Variants in CLDN16 observed in about 807,000 individuals in gnomAD.
CLDN16 encodes the protein claudin-16.
A neutral mutation model predicts 24.6 loss-of-function variants in CLDN16; 13 were observed. The ratio of observed to expected loss-of-function variants is 0.53; its 90% CI spans 0.34 to 0.84. The LOEUF is 0.84. CLDN16 is among the 40% of genes least tolerant of loss of function. CLDN16 has a pLI of 0.01. For missense variants in CLDN16, 298 were observed against 292.7 expected (o/e 1.02, Z -0.13); for synonymous variants, 116 against 106.7 (o/e 1.09, Z -0.54).
intron 2 of CLDN16, among the ~76,000 whole-genome samples, chr3:190,372,982 C>T (rs1297442851): frequency 6.6e-6 from 1 of 151,946 alleles, no homozygotes; most frequent in African/African-American, 2.4e-5. Flanking sequence ...GGAATCCTTA[C>T]TGTACATGCT....
intron 1 of CLDN16, among the ~76,000 whole-genome samples, chr3:190,397,451 C>T (rs1232014504): frequency 1.3e-5 from 2 of 150,488 alleles, no homozygotes; most frequent in Non-Finnish European, 3.0e-5. Context: ...TTTGAAACAT[C>T]AGTCTGCTTT....
chr3:190,369,275 G>A (rs1044087191), intron 1 of CLDN16, among the ~76,000 whole-genome samples: 1 of 151,870 alleles, frequency 6.6e-6, no homozygotes, highest in African/African-American at 2.4e-5. Flanking sequence ...CTGGCCCATT[G>A]TACCCAGCCA....
Position 190,404,852 on chromosome 3 carries a change from T to C in CLDN16, c.308T>C (p.Val103Ala). Residue 103 changes from valine to alanine, a missense_variant, in exon 3 of 5, where the codon GTG becomes GCG. Physicochemically the swap from Val to Ala is moderately conservative, Grantham distance 64 (BLOSUM62 0). Coordinates refer to ENST00000264734, the MANE Select transcript of CLDN16 (RefSeq NM_006580.4). ...FLTLLLGLDC[V>A]KFLPDEPYIK... ...ACCCTGCTCCTTGGTCTTGACTGCG[T>C]GAAATTCCTCCCTGATGAGCCGTAC... 3 of 1,614,164 alleles carry C rather than the reference T, an allele frequency of 1.9e-6. No homozygotes were observed. Among genetic ancestry groups the C allele is most frequent in the East Asian group, 4.5e-5 (2 of 44,874 alleles).
At chr3:190,355,503 G>T (rs1345558635) in intron 1 of CLDN16, among the ~76,000 whole-genome samples, 1 of 151,666 alleles carries the variant, frequency 6.6e-6, no homozygotes, top group Non-Finnish European at 1.5e-5. Context: ...AAATAATTTT[G>T]TAGAATGACC....
chr3:190,343,053 T>A (rs1252669595), intron 1 of CLDN16, among the ~76,000 whole-genome samples: 2 of 152,116 alleles, frequency 1.3e-5, no homozygotes, highest in Non-Finnish European at 1.5e-5. Context: ...TATTTGCAAA[T>A]CATGTATCAG....
At chr3:190,386,165 T>C (rs990962888), upstream of CLDN16, among the ~76,000 whole-genome samples, 1 of 152,188 alleles carries the variant, frequency 6.6e-6, no homozygotes, top group Admixed American at 6.6e-5. Context: ...TAAATCTTAA[T>C]AGCATTTCAG....
chr3:190,308,222 T>C, the CLDN16 span: 3 of 1,594,716 alleles, frequency 1.9e-6, no homozygotes, highest in Non-Finnish European at 2.6e-6. Context: ...AATGATAGTA[T>C]CTCAATGTCC....
intron 1 of CLDN16, among the ~76,000 whole-genome samples, chr3:190,338,907 G>A (rs957169195): frequency 6.6e-6 from 1 of 152,134 alleles, no homozygotes; most frequent in Non-Finnish European, 1.5e-5. Context: ...TACCCCTGCA[G>A]GTCTTGGCTG....
intron 1 of CLDN16, among the ~76,000 whole-genome samples, chr3:190,330,877 G>A (rs1392161678): frequency 6.6e-6 from 1 of 152,038 alleles, no homozygotes; most frequent in Non-Finnish European, 1.5e-5. Context: ...TAAAACTAAA[G>A]TCTTAAAATA....
At chr3:190,313,414 A>C in the CLDN16 span, among the ~76,000 whole-genome samples, 1 of 152,226 alleles carries the variant, frequency 6.6e-6, no homozygotes, top group African/African-American at 2.4e-5. Context: ...ACAATCATAT[A>C]TACTATCCTG....
At chr3:190,408,141 A>T (rs1719153187) in intron 3 of CLDN16, among the ~76,000 whole-genome samples, 173 bp from the exon 4 acceptor site, 1 of 152,236 alleles carries the variant, frequency 6.6e-6, no homozygotes, top group Non-Finnish European at 1.5e-5. Context: ...TACAAGATGG[A>T]AGGCAAAAGG....
At position 190,388,543 on chromosome 3, in the gene CLDN16, T is replaced by A. The variant is rs1491993; in HGVS notation, c.114+100T>A. On this transcript the variant is annotated intron_variant, in intron 1 of 4. Coordinates refer to ENST00000264734, the MANE Select transcript of CLDN16 (RefSeq NM_006580.4). ...CATTCAGTATCTTTACTAAGGCTAA[T>A]GATACCAAAAATAGGCAACATGGAC... is the stretch of plus-strand genomic sequence containing the variant. 203,938 of 978,290 alleles carry A rather than the reference T, an allele frequency of 0.21. 23,874 individuals carry two copies. Among genetic ancestry groups the A allele is most frequent in the Middle Eastern group, 0.27 (1,217 of 4,428 alleles). The allele number at this position is 978,290 out of a possible 1,614,324, so 60.6% of individuals were successfully genotyped here.
chr3:190,398,994 T>C (rs910990843), intron 1 of CLDN16, among the ~76,000 whole-genome samples: 1 of 152,166 alleles, frequency 6.6e-6, no homozygotes, highest in African/African-American at 2.4e-5. Context: ...TATCATTAGA[T>C]TTTTTGATCT....
At chr3:190,395,493 G>A (rs1310659713) in intron 1 of CLDN16, among the ~76,000 whole-genome samples, 2 of 151,918 alleles carry the variant, frequency 1.3e-5, no homozygotes, top group African/African-American at 2.4e-5. Context: ...CAGAGTCTTG[G>A]TTGGAAAATT....
chr3:190,313,366 G>T, the CLDN16 span: 2 of 316,436 alleles, frequency 6.3e-6, no homozygotes, highest in Non-Finnish European at 1.2e-5. Context: ...TTTACTAAGG[G>T]ATTTTCATCC....
chr3:190,394,260 T>A (rs534940971), intron 1 of CLDN16, among the ~76,000 whole-genome samples: 32 of 152,338 alleles, frequency 2.1e-4, no homozygotes, highest in Admixed American at 3.9e-4. Context: ...TAGTTACTGA[T>A]CTCTCAATTA....
intron 3 of CLDN16, among the ~76,000 whole-genome samples, chr3:190,405,449 G>C (rs1235671478): frequency 7.1e-6 from 1 of 140,770 alleles, no homozygotes; most frequent in Non-Finnish European, 1.5e-5. Context: ...AAAAAAAAAG[G>C]AAATAAAGAA....
At chr3:190,409,688 A>G (rs1371359161) in intron 4 of CLDN16, among the ~76,000 whole-genome samples, 1 of 150,744 alleles carries the variant, frequency 6.6e-6, no homozygotes. Context: ...AAAAAAAAAT[A>G]ACAGGAAATC....
At chr3:190,402,188 A>T (rs1393476380) in intron 1 of CLDN16, 149 bp from the exon 2 acceptor site, 1 of 704,180 alleles carries the variant, frequency 1.4e-6, no homozygotes, top group Non-Finnish European at 2.6e-6. Context: ...ATATTCTAAT[A>T]CGCATTGTTT....
Sources: gnomAD v4.1 joint callset for allele counts (sites outside exome capture counted in the v4.1 genomes callset) on GRCh38, gnomAD v4.1.1 for gene constraint, MANE v1.5 for transcripts, NCBI Gene and HGNC (gene_info 2026-07-23, HGNC 2026-07-21) for gene names.